The following C10orf67 variants were observed in gnomAD, a reference collection of about 807,000 sequenced individuals.
The protein encoded by C10orf67 is uncharacterized protein C10orf67, mitochondrial.
C10orf67 carries 60 observed loss-of-function variants against 35.6 expected under a neutral mutation model. The observed-to-expected ratio is 1.68, with a 90% CI of 1.37 to 2.09. The LOEUF (loss-of-function observed/expected upper bound fraction) is 2.09. Among genes scored for constraint, C10orf67 ranks in the 30% most tolerant of loss-of-function variants. C10orf67 has a pLI of 0.00. For missense variants in C10orf67, 474 were observed against 330.2 expected, an observed-to-expected ratio of 1.44 and a Z score of -3.38; for synonymous variants, 167 against 115.8, an observed-to-expected ratio of 1.44 and a Z score of -2.84.
chr10:23,264,394 A>G (rs1311367184), intron 10 of C10orf67, among the ~76,000 whole-genome samples: 1 of 152,156 alleles, frequency 6.6e-6, no homozygotes, highest in Admixed American at 6.5e-5. Context: ...CCCCCGGTCC[A>G]ATTTTGACTT....
chr10:23,239,746 T>C lies in C10orf67; in HGVS notation c.1417A>G (p.Thr473Ala). 1 of 661,498 alleles carries C rather than the reference T, an allele frequency of 1.5e-6. No individual in the cohort carries two copies. The highest frequency in any genetic ancestry group is 1.6e-5 in the South Asian group (1 of 61,188). 41.0% of individuals were successfully genotyped at this position (661,498 alleles called of 1,614,324 possible). A position where few individuals can be genotyped will look rare whatever the true frequency, so the allele number is the denominator to read the frequency against. ...LFRQFAVLAD[T>A]SFNYIKVKPL... ...GCACTTACAATATAATTGAAGGATG[T>C]GTCAGCAAGCACTGCAAACTGACGA... Residue 473 changes from threonine to alanine, a missense_variant, in exon 13 of 16, where the codon ACA becomes GCA. By Grantham distance (58) the Thr-to-Ala change is moderately conservative. Transcript: ENST00000636213.
chr10:23,236,067 T>C (rs1037507285), intron 13 of C10orf67, among the ~76,000 whole-genome samples: 9 of 151,674 alleles, frequency 5.9e-5, no homozygotes, highest in African/African-American at 1.9e-4. Context: ...GCTAACACAG[T>C]GAAACCCCGT....
At chr10:23,285,314 A>G (rs992050990) in intron 7 of C10orf67, among the ~76,000 whole-genome samples, 1 of 146,732 alleles carries the variant, frequency 6.8e-6, no homozygotes, top group Non-Finnish European at 1.5e-5. Flanking sequence ...AGACAGAATT[A>G]AAAAAAAAAA....
At chr10:23,291,704 G>A (rs1332712723) in intron 5 of C10orf67, among the ~76,000 whole-genome samples, 1 of 152,132 alleles carries the variant, frequency 6.6e-6, no homozygotes, top group Admixed American at 6.5e-5. Context: ...GGCTAAGGAG[G>A]GGGGCTTGTT....
chr10:23,316,422 C>T lies in C10orf67; in HGVS notation c.546+4319G>A, dbSNP rs117721375. Among the ~76,000 whole-genome samples the T allele has an allele frequency of 6.6e-4, 101 of 152,336 alleles. 4 individuals are homozygous for T. In the East Asian group the frequency reaches 0.019, roughly 29 times the overall value. ...CAGGGAGCTCCTAGGTCTGGGCGCC[C>T]CCAAGGGCTGCAGCTCTTCTCTCCG... On this transcript the variant is annotated intron_variant, in intron 4 of 15. Transcript: ENST00000636213.
Position 23,322,428 on chromosome 10 carries a change from T to A in C10orf67, c.437A>T (p.Asp146Val). The change falls in exon 3 of 16, where the codon GAC becomes GTC. Residue 146 changes from aspartate (D) to valine (V), a missense_variant. Coordinates refer to ENST00000636213, the MANE Select transcript of C10orf67 (RefSeq NM_001371909.1). ...ESLSLFTILHDRILEIEKHYQ... is the reference protein window; with the variant it reads ...ESLSLFTILHVRILEIEKHYQ... The stretch of plus-strand genomic sequence containing the variant: ...ATGCTTTTCAATTTCTAGGATCCTG[T>A]CATGCAGAATGGTGAAGAGACTCAA... 6.2e-7 allele frequency: 1 copy of A among 1,608,672 alleles called. No homozygotes were observed. The highest frequency in any genetic ancestry group is 1.7e-4 in the Middle Eastern group (1 of 6,046).
At chr10:23,284,374 T>C (rs961121240) in intron 7 of C10orf67, among the ~76,000 whole-genome samples, 1 of 151,986 alleles carries the variant, frequency 6.6e-6, no homozygotes, top group Admixed American at 6.6e-5. Flanking sequence ...TCTTCCACTC[T>C]TGCCTGCCTG....
rs1841078618 is a variant in C10orf67 at position 23,203,697 on chromosome 10, A to C, written c.*476T>G. The C allele has an allele frequency of 6.6e-6, 1 of 152,412 alleles. No individual in the cohort carries two copies. Among genetic ancestry groups the C allele is most frequent in the African/African-American group, 2.4e-5 (1 of 41,458 alleles). The allele number at this position is 152,412 out of a possible 1,614,324, so 9.4% of individuals were successfully genotyped here. ...CTGTGCCGGGGTAAGATAAGAATGAATCTTGCTTGAGGAAATGTACGATCT... is the reference window on the plus strand; with the variant it reads ...CTGTGCCGGGGTAAGATAAGAATGACTCTTGCTTGAGGAAATGTACGATCT... On this transcript the variant is annotated 3_prime_UTR_variant, in exon 16 of 16. Transcript: ENST00000636213.
chr10:23,321,591 G>A (rs1270975252), intron 3 of C10orf67, among the ~76,000 whole-genome samples: 4 of 152,182 alleles, frequency 2.6e-5, no homozygotes, highest in Non-Finnish European at 1.5e-5. Flanking sequence ...CCTTAAGCAA[G>A]TTACTTAACC....
intron 15 of C10orf67, among the ~76,000 whole-genome samples, chr10:23,217,783 T>C (rs1349984972): frequency 6.6e-6 from 1 of 152,202 alleles, no homozygotes; most frequent in East Asian, 1.9e-4. Flanking sequence ...CTATGGATGC[T>C]TAAAAACATA....
At chr10:23,264,985 C>T (rs534556135) in intron 10 of C10orf67, among the ~76,000 whole-genome samples, 1 of 152,372 alleles carries the variant, frequency 6.6e-6, no homozygotes, top group African/African-American at 2.4e-5. Flanking sequence ...CAAAAAAATA[C>T]TTCCCAAAAT....
At chr10:23,299,246 T>C (rs1048634288) in intron 5 of C10orf67, among the ~76,000 whole-genome samples, 2 of 152,196 alleles carry the variant, frequency 1.3e-5, no homozygotes, top group African/African-American at 4.8e-5. Context: ...GGCTATTGCA[T>C]GGTTTTACTA....
At chr10:23,311,253 T>C (rs1844481868) in intron 4 of C10orf67, among the ~76,000 whole-genome samples, 1 of 152,220 alleles carries the variant, frequency 6.6e-6, no homozygotes, top group South Asian at 2.1e-4. Context: ...TATTACCCTT[T>C]AGTTTAAATC....
intron 2 of C10orf67, among the ~76,000 whole-genome samples, chr10:23,328,685 T>TAAAAA (rs57874839): frequency 1.4e-5 from 2 of 138,110 alleles, no homozygotes; most frequent in African/African-American, 5.3e-5. Flanking sequence ...CTCAAGAGAT[T>TAAAAA]AAAAAAAAAA....
Position 23,228,079 on chromosome 10 carries a change from G to GA in C10orf67, c.1435-4262dup, listed in dbSNP as rs527321845. On this transcript the variant is annotated intron_variant, in intron 13 of 15. Transcript: ENST00000636213. ...CCAATGACTTTTTTTCACAAAACTG[G>GA]AAAAAACTACTTTAAAGTTCATATG... is the stretch of plus-strand genomic sequence containing the variant. Among the ~76,000 whole-genome samples the GA allele has an allele frequency of 2.9e-3, 444 of 152,118 alleles. 2 individuals are homozygous for GA. Among genetic ancestry groups the GA allele is most frequent in the African/African-American group, 0.01 (418 of 41,496 alleles).
At chr10:23,323,596 A>G (rs959633385) in intron 2 of C10orf67, among the ~76,000 whole-genome samples, 17 of 151,894 alleles carry the variant, frequency 1.1e-4, no homozygotes, top group African/African-American at 4.1e-4. Context: ...CATCGCTACA[A>G]ATACAGCCTC....
chr10:23,278,184 CTG>C, intron 8 of C10orf67, among the ~76,000 whole-genome samples: 1 of 152,170 alleles, frequency 6.6e-6, no homozygotes, highest in Admixed American at 6.5e-5. Flanking sequence ...CACATCCAAA[CTG>C]TATCACCATC....
At chr10:23,306,603 C>T (rs1335220452) in intron 4 of C10orf67, among the ~76,000 whole-genome samples, 2 of 150,026 alleles carry the variant, frequency 1.3e-5, no homozygotes, top group African/African-American at 2.5e-5. Flanking sequence ...AGATGTTGGT[C>T]GAAGGGTATA....
rs1338459478 is a variant in C10orf67, at chr10:23,203,996, C to G, written c.*177G>C. 2.6e-6 allele frequency: 1 copy of G among 379,416 alleles called. No individual in the cohort carries two copies. The highest frequency in any genetic ancestry group is 4.7e-6 in the Non-Finnish European group (1 of 214,210). The allele number at this position is 379,416 out of a possible 1,614,324, so 23.5% of individuals were successfully genotyped here. ...GGCGTGGAAAGGAGCGCGCACAAGG[C>G]GCGCATTGAGGTCTATTCGAGCGCA... On this transcript the variant is annotated 3_prime_UTR_variant, in exon 16 of 16. Transcript: ENST00000636213.
Sources: allele counts gnomAD v4.1 joint callset (sites outside exome capture counted in the v4.1 genomes callset), GRCh38; gene constraint gnomAD v4.1.1; transcripts MANE v1.5; gene names NCBI Gene and HGNC (gene_info 2026-07-23, HGNC 2026-07-21).